The following RPTOR variants were observed in gnomAD, a reference collection of about 807,000 sequenced individuals.
RPTOR encodes the protein regulatory associated protein of MTOR complex 1.
Under a neutral mutation model 169.9 loss-of-function variants are expected in RPTOR, and 21 were observed. That is an observed-to-expected ratio of 0.12 (90% CI 0.09 to 0.18). The LOEUF (loss-of-function observed/expected upper bound fraction) is 0.18, where lower values mean the gene tolerates loss of function less well. RPTOR is among the 10% of genes least tolerant of loss of function. RPTOR has a pLI of 1.00. For synonymous variants in RPTOR, 732 were observed against 753.2 expected, an observed-to-expected ratio of 0.97 and a Z score of 0.46; for missense variants, 1,133 against 1,855.9, an observed-to-expected ratio of 0.61 and a Z score of 7.16.
chr17:80,961,366 C>A lies in RPTOR; in HGVS notation c.3606-28C>A, dbSNP rs1296304298. 3.9e-6 allele frequency: 6 copies of A among 1,538,804 alleles called. No individual in the cohort carries two copies. In the Admixed American group the frequency reaches 5.9e-5, roughly 15 times the overall value. On this transcript the variant is annotated intron_variant, in intron 30 of 33. Transcript: ENST00000306801. ...GTGGGGACGTCCTTCAGGGAAGCCCCACGCTGAGCGTGCCCCCTCCCCTAC... is the reference window on the plus strand; with the variant it reads ...GTGGGGACGTCCTTCAGGGAAGCCCAACGCTGAGCGTGCCCCCTCCCCTAC...
chr17:80,962,622 G>C (rs767535951), intron 32 of RPTOR, 45 bp downstream of exon 32: 18 of 1,534,242 alleles, frequency 1.2e-5, no homozygotes, highest in East Asian at 2.3e-5. Flanking sequence ...CACCCGCCTC[G>C]GGCCTCTGTG....
At position 80,917,651 on chromosome 17, in the gene RPTOR, A is replaced by C. The variant is rs533792934; in HGVS notation, c.2521-5073A>C. Among the ~76,000 whole-genome samples the C allele has an allele frequency of 3.9e-5, 6 of 152,320 alleles. No individual in the cohort carries two copies. In the South Asian group the frequency reaches 1.2e-3, roughly 32 times the overall value. On this transcript the variant is annotated intron_variant, in intron 21 of 33. Transcript: ENST00000306801. The stretch of plus-strand genomic sequence containing the variant: ...TGAAATTCTCTGAAATTTCTCTTCC[A>C]GTGATCTCAGCCGATCTGCATATAG...
intron 1 of RPTOR, among the ~76,000 whole-genome samples, chr17:80,565,090 T>G (rs1019183240): frequency 1.3e-5 from 2 of 152,238 alleles, no homozygotes; most frequent in Non-Finnish European, 2.9e-5. Context: ...AACATAAGCA[T>G]GCGTGTCTTT....
intron 10 of RPTOR, among the ~76,000 whole-genome samples, chr17:80,840,376 C>T (rs546161523): frequency 0.027 from 3,945 of 145,976 alleles, 54 homozygotes; most frequent in Non-Finnish European, 0.035. Context: ...TCTCACCACA[C>T]GGCAGCTCAC....
At chr17:80,550,091 A>G (rs190003925) in intron 1 of RPTOR, among the ~76,000 whole-genome samples, 2 of 152,068 alleles carry the variant, frequency 1.3e-5, no homozygotes, top group East Asian at 3.9e-4. Flanking sequence ...AGCAAGGGTA[A>G]TAGCAATCCT....
At chr17:80,919,084 C>T (rs553630934) in intron 21 of RPTOR, among the ~76,000 whole-genome samples, 1 of 152,320 alleles carries the variant, frequency 6.6e-6, no homozygotes, top group Non-Finnish European at 1.5e-5. Flanking sequence ...ACTGAGGGCA[C>T]CGTGGCCCCA....
At chr17:80,847,835 T>C (rs2067749624) in intron 11 of RPTOR, among the ~76,000 whole-genome samples, 2 of 152,368 alleles carry the variant, frequency 1.3e-5, no homozygotes, top group South Asian at 2.1e-4. Context: ...CTCACCACAC[T>C]GACAGACAGC....
intron 1 of RPTOR, among the ~76,000 whole-genome samples, chr17:80,600,942 G>T (rs933967970): frequency 1.3e-5 from 2 of 151,234 alleles, no homozygotes; most frequent in African/African-American, 4.9e-5. Context: ...TGCCCTCTCT[G>T]CAGTGTAACT....
At chr17:80,717,433 C>T (rs1354671906) in intron 4 of RPTOR, among the ~76,000 whole-genome samples, 2 of 152,200 alleles carry the variant, frequency 1.3e-5, no homozygotes, top group Non-Finnish European at 2.9e-5. Context: ...AGAATGATCC[C>T]TAGAGCCAAG....
intron 32 of RPTOR, 37 bp from the exon 33 acceptor site, chr17:80,962,891 G>A (rs1598428838): frequency 6.2e-7 from 1 of 1,611,396 alleles, no homozygotes; most frequent in Non-Finnish European, 8.5e-7. Context: ...CCTCAAAGAA[G>A]AGGGCAGTGA....
chr17:80,853,411 G>A (rs1441825558), intron 11 of RPTOR, among the ~76,000 whole-genome samples: 3 of 152,196 alleles, frequency 2.0e-5, no homozygotes, highest in Non-Finnish European at 2.9e-5. Flanking sequence ...AGCGAGGCCA[G>A]GTCAGGGGCT....
intron 1 of RPTOR, among the ~76,000 whole-genome samples, chr17:80,553,922 A>G (rs2084375257): frequency 1.3e-5 from 2 of 151,328 alleles, no homozygotes; most frequent in South Asian, 4.2e-4. Flanking sequence ...TCATATTTTT[A>G]GTAGAGATGG....
intron 1 of RPTOR, among the ~76,000 whole-genome samples, chr17:80,555,579 T>C (rs1184447697): frequency 6.6e-6 from 1 of 152,212 alleles, no homozygotes; most frequent in Non-Finnish European, 1.5e-5. Flanking sequence ...CTAGACAGAC[T>C]GACAGACACG....
Position 80,612,824 on chromosome 17 carries a change from C to T in RPTOR, c.163-12867C>T, listed in dbSNP as rs151046080. On this transcript the variant is annotated intron_variant, in intron 1 of 33. Coordinates refer to ENST00000306801, the MANE Select transcript of RPTOR (RefSeq NM_020761.3). ...TTGAGGCTGCAGTGAACCGTGATCACGCCACTGCACTCCAGCCTGGGAGGC... is the reference window on the plus strand; with the variant it reads ...TTGAGGCTGCAGTGAACCGTGATCATGCCACTGCACTCCAGCCTGGGAGGC... Among the ~76,000 whole-genome samples, 1,105 of 152,210 alleles carry T rather than the reference C, an allele frequency of 7.3e-3. 23 individuals are homozygous for T. The highest frequency in any genetic ancestry group is 0.026 in the African/African-American group (1,060 of 41,514).
At chr17:80,896,543 GGCCGCGCCGACACCCCACACA>G (rs72440781) in intron 20 of RPTOR, among the ~76,000 whole-genome samples, 89,688 of 129,456 alleles carry the variant, frequency 0.69, 30,850 homozygotes, top group Non-Finnish European at 0.75. Context: ...GGCACCCCAC[GGCCGCGCCGACACCCCACACA>G]GCCGCGCCGA....
intron 3 of RPTOR, among the ~76,000 whole-genome samples, chr17:80,670,889 C>T (rs115146948): frequency 0.012 from 1,855 of 152,128 alleles, 44 homozygotes; most frequent in African/African-American, 0.043. Flanking sequence ...TGGATTCTCC[C>T]TGGTCCTAGG....
chr17:80,943,486 G>A (rs989628092), intron 25 of RPTOR, among the ~76,000 whole-genome samples: 5 of 152,186 alleles, frequency 3.3e-5, no homozygotes, highest in South Asian at 2.1e-4. Flanking sequence ...TGCACTTCCC[G>A]CCTCGCAGAT....
intron 5 of RPTOR, among the ~76,000 whole-genome samples, chr17:80,743,098 C>T (rs904798529): frequency 6.6e-6 from 1 of 152,188 alleles, no homozygotes; most frequent in Admixed American, 6.5e-5. Flanking sequence ...CTGGGAATAA[C>T]ACCCACTTTA....
rs2143093137 is a variant in RPTOR at position 80,707,785 on chromosome 17, T to G, written c.349-56T>G. On this transcript the variant is annotated intron_variant, in intron 3 of 33. Transcript: ENST00000306801. This position sits in a 1 kb window ranked among gnomAD's most constrained non-coding sequence, Gnocchi z 5.0. Reference sequence around the variant, plus strand: ...CCCAGAGGAAAGGGTAGGGGATGAGTTCCAAGCATTCCCTGGAGTCCGTGG... The same window carrying G: ...CCCAGAGGAAAGGGTAGGGGATGAGGTCCAAGCATTCCCTGGAGTCCGTGG... 3 of 1,548,766 alleles carry G rather than the reference T, an allele frequency of 1.9e-6. No individual in the cohort carries two copies. The highest frequency in any genetic ancestry group is 2.6e-6 in the Non-Finnish European group (3 of 1,132,126).
Sources: allele counts gnomAD v4.1 joint callset (sites outside exome capture counted in the v4.1 genomes callset), GRCh38; gene constraint gnomAD v4.1.1; non-coding constraint Gnocchi (gnomAD v3.1); transcripts MANE v1.5; gene names NCBI Gene and HGNC (gene_info 2026-07-23, HGNC 2026-07-21).